AP3D1: variants seen among roughly 807,000 people sequenced by gnomAD.
AP3D1 encodes adaptor related protein complex 3 subunit delta 1, also known as AP-3 complex subunit delta-1.
A neutral mutation model predicts 147.6 loss-of-function variants in AP3D1; 51 were observed. The ratio of observed to expected loss-of-function variants is 0.35; its 90% CI spans 0.28 to 0.44. The LOEUF is 0.44. Among genes scored for constraint, AP3D1 ranks in the 20% least tolerant of loss-of-function variants. The pLI, the probability that AP3D1 is intolerant of heterozygous loss-of-function variation, is 1.00. For missense variants in AP3D1, 1,421 were observed against 1,624.2 expected, an observed-to-expected ratio of 0.87 and a Z score of 2.15; for synonymous variants, 760 against 663.0, an observed-to-expected ratio of 1.15 and a Z score of -2.25.
chr19:2,110,284 C>A lies in AP3D1; in HGVS notation c.3176-60G>T, dbSNP rs2018234705. The A allele has an allele frequency of 7.0e-6, 10 of 1,438,524 alleles. No individual in the cohort carries two copies. The South Asian group carries it at 1.0e-4, about 15-fold the overall frequency. 89.1% of individuals were successfully genotyped at this position (1,438,524 alleles called of 1,614,324 possible). A position where few individuals can be genotyped will look rare whatever the true frequency, so the allele number is the denominator to read the frequency against. ...CTGCGGGGGCTCAGCATGGGTGGGG[C>A]CTCCAGGTCTGTCCTCAGTCCCAAG... On this transcript the variant is annotated intron_variant, in intron 27 of 31. Transcript: ENST00000643116.
intron 1 of AP3D1, among the ~76,000 whole-genome samples, chr19:2,144,262 TCTC>T (rs1485263101): frequency 1.3e-5 from 2 of 152,082 alleles, no homozygotes; most frequent in Admixed American, 6.5e-5. Flanking sequence ...GAAAGGAGCT[TCTC>T]CTGCGGAGCG....
At chr19:2,131,056 C>CAAG (rs2018925366) in intron 5 of AP3D1, among the ~76,000 whole-genome samples, 1 of 152,264 alleles carries the variant, frequency 6.6e-6, no homozygotes, top group East Asian at 1.9e-4. Context: ...GGCCAGCAGT[C>CAAG]AGTGTTTTCA....
chr19:2,121,899 C>T lies in AP3D1; in HGVS notation c.956-20G>A, dbSNP rs781458620. The stretch of plus-strand genomic sequence containing the variant: ...ACTTCACTGCAGAGAGAGGCCAGAG[C>T]CGGGTCACTGGGACGGACACAGGCA... On this transcript the variant is annotated intron_variant, in intron 11 of 31. Coordinates refer to ENST00000643116, the MANE Select transcript of AP3D1 (RefSeq NM_001261826.3). 1 of 1,590,850 alleles carries T rather than the reference C, an allele frequency of 6.3e-7. No homozygotes were observed. The highest frequency in any genetic ancestry group is 8.5e-7 in the Non-Finnish European group (1 of 1,171,252).
chr19:2,115,136 G>A (rs900436927), intron 20 of AP3D1, 83 bp downstream of exon 20: 5 of 1,405,742 alleles, frequency 3.6e-6, no homozygotes, highest in African/African-American at 2.8e-5. Flanking sequence ...AAGACCATGG[G>A]GAGAGGCCAC....
At position 2,101,779 on chromosome 19, in the gene AP3D1, G is replaced by A. The variant is rs2017960662; in HGVS notation, c.*394C>T. ...TTTGGGTCAAAAGCAGGCGACCCCA[G>A]AGGAGGCCACGTCAGCCCCGCCCTG... is the stretch of plus-strand genomic sequence containing the variant. On this transcript the variant is annotated 3_prime_UTR_variant, in exon 32 of 32. Coordinates refer to ENST00000643116, the MANE Select transcript of AP3D1 (RefSeq NM_001261826.3). The A allele has an allele frequency of 5.5e-6, 1 of 181,796 alleles. No homozygotes were observed. The highest frequency in any genetic ancestry group is 6.2e-5 in the Admixed American group (1 of 16,216). The allele number at this position is 181,796 out of a possible 1,614,324, so 11.3% of individuals were successfully genotyped here.
At chr19:2,126,182 G>A (rs539665620) in intron 9 of AP3D1, among the ~76,000 whole-genome samples, 1 of 152,306 alleles carries the variant, frequency 6.6e-6, no homozygotes, top group South Asian at 2.1e-4. Flanking sequence ...CTCCTGAATA[G>A]CTGGGCCCTC....
Position 2,115,611 on chromosome 19 carries a change from C to G in AP3D1, c.2076G>C (p.Arg692=), listed in dbSNP as rs559068567. ...GCTCCACGCCCGGGGTGTCCTGGTA[C>G]CGCTGCAAAGGCAACACCCAGGCGT... ...YIKSSPSPQK[R]YQDTPGVEHI... is the part of the protein sequence containing the mutation. The change falls in exon 19 of 32, where the codon CGG becomes CGC. Residue 692 remains arginine (R), a splice_region_variant and synonymous_variant. Transcript: ENST00000643116. 3.2e-5 allele frequency: 51 copies of G among 1,612,180 alleles called. No homozygotes were observed. The Admixed American group carries it at 3.7e-4, about 12-fold the overall frequency.
At chr19:2,123,281 T>C (rs1809070669) in intron 11 of AP3D1, 77 bp downstream of exon 11, 1 of 1,439,748 alleles carries the variant, frequency 6.9e-7, no homozygotes, top group Non-Finnish European at 9.6e-7. Context: ...GTCCACTTCC[T>C]CCTCACACTA....
intron 8 of AP3D1, 63 bp from the exon 9 acceptor site, chr19:2,127,264 A>C: frequency 6.4e-7 from 1 of 1,574,770 alleles, no homozygotes; most frequent in East Asian, 2.2e-5. Flanking sequence ...GCAGTGACCC[A>C]GTGCCGGCAG....
chr19:2,137,863 T>C (rs1344442025), intron 2 of AP3D1, 56 bp from the exon 3 acceptor site: 1 of 1,569,008 alleles, frequency 6.4e-7, no homozygotes, highest in Non-Finnish European at 8.8e-7. Context: ...GAGAAAGGTT[T>C]TGAGCCGCGG....
At chr19:2,135,254 G>C (rs897655024) in intron 4 of AP3D1, among the ~76,000 whole-genome samples, 5 of 151,418 alleles carry the variant, frequency 3.3e-5, no homozygotes, top group Non-Finnish European at 7.4e-5. Context: ...AACAAAATGA[G>C]GCCAGGCACA....
intron 1 of AP3D1, among the ~76,000 whole-genome samples, chr19:2,148,891 A>T (rs1434153084): frequency 1.3e-5 from 2 of 152,236 alleles, no homozygotes; most frequent in Non-Finnish European, 2.9e-5. Flanking sequence ...CTGCTGCAGA[A>T]AATGCGCACA....
rs774288299 is a variant in AP3D1, at chr19:2,117,359, G to A, written c.1722C>T (p.Cys574=). The A allele has an allele frequency of 5.0e-6, 8 of 1,603,376 alleles. No homozygotes were observed. In the South Asian group the frequency reaches 7.8e-5, roughly 16 times the overall value. The change falls in exon 16 of 32, where the codon TGC becomes TGT. Residue 574 remains cysteine, a synonymous_variant. Transcript: ENST00000643116. The stretch of plus-strand genomic sequence containing the variant: ...GGATGTGCTTGACCAGCTGCAGGAT[G>A]CAGGACGCCTGTGGGGGACACAGGG... The part of the protein sequence containing the change: ...ADLEVQERAS[C]ILQLVKHIQK...
chr19:2,142,923 C>T (rs1426963195), intron 1 of AP3D1, among the ~76,000 whole-genome samples: 2 of 152,008 alleles, frequency 1.3e-5, no homozygotes, highest in Non-Finnish European at 2.9e-5. Context: ...AGCCACCACG[C>T]CAAGCTAATT....
chr19:2,121,420 C>A, intron 12 of AP3D1, 109 bp from the exon 13 acceptor site: 1 of 1,388,808 alleles, frequency 7.2e-7, no homozygotes, highest in Non-Finnish European at 9.9e-7. Context: ...ACAGGCGGAC[C>A]CGGATTCACA....
chr19:2,129,113 C>T lies in AP3D1; in HGVS notation c.783G>A (p.Glu261=), dbSNP rs1170603831. The T allele has an allele frequency of 6.3e-7, 1 of 1,592,060 alleles. No individual in the cohort carries two copies. Among genetic ancestry groups the T allele is most frequent in the East Asian group, 2.3e-5 (1 of 44,036 alleles). Residue 261 remains glutamate (E), a synonymous_variant, in exon 8 of 32, where the codon GAG becomes GAA. Transcript: ENST00000643116. ...ACCTGTGGATGAGATTGGTGAGGGG[C>T]TCGATCAGCTTCTTGCCCAGCCGCG... ...LEPRLGKKLI[E]PLTNLIHSTS...
At position 2,110,795 on chromosome 19, in the gene AP3D1, G is replaced by C. The variant is rs200189042; in HGVS notation, c.3087C>G (p.Ser1029Arg). 8.2e-5 allele frequency: 132 copies of C among 1,613,338 alleles called. No individual in the cohort carries two copies. Among genetic ancestry groups the C allele is most frequent in the Non-Finnish European group, 9.7e-5 (114 of 1,180,008 alleles). ...SSSILKGMEL[S>R]VLDSLNARMA... ...TCCTGGCATTGAGTGAGTCCAGCAC[G>C]CTGAGCTCCATGCCCTTGAGGATGC... The change falls in exon 27 of 32, where the codon AGC becomes AGG. Residue 1029 changes from serine to arginine, a missense_variant. Coordinates refer to ENST00000643116, the MANE Select transcript of AP3D1 (RefSeq NM_001261826.3).
intron 4 of AP3D1, chr19:2,133,362 C>G (rs1167722464): frequency 6.6e-6 from 1 of 152,218 alleles, no homozygotes; most frequent in Non-Finnish European, 1.5e-5. Flanking sequence ...TGTGTCAGCA[C>G]TTGGGGAAAT....
chr19:2,117,227 G>A lies in AP3D1; in HGVS notation c.1854C>T (p.Pro618=), dbSNP rs1232968647. 14 of 1,606,852 alleles carry A rather than the reference G, an allele frequency of 8.7e-6. No homozygotes were observed. The highest frequency in any genetic ancestry group is 1.7e-5 in the Admixed American group (1 of 58,932). The change falls in exon 16 of 32, where the codon CCC becomes CCT. Residue 618 remains proline, a synonymous_variant. Coordinates refer to ENST00000643116, the MANE Select transcript of AP3D1 (RefSeq NM_001261826.3). ...CCCCACCCCCGTATCCTTACCCTTC[G>A]GGGACTGGAACCTTCTTCTGGGCCT... ...APKAQKKVPV[P]EGLDLDAWIN...
Sources: gnomAD v4.1 joint callset for allele counts (sites outside exome capture counted in the v4.1 genomes callset) on GRCh38, gnomAD v4.1.1 for gene constraint, MANE v1.5 for transcripts, NCBI Gene and HGNC (gene_info 2026-07-23, HGNC 2026-07-21) for gene names.